The following FUT8 variants were observed in gnomAD, a reference collection of about 807,000 sequenced individuals.
FUT8 encodes the protein fucosyltransferase 8.
FUT8 carries 29 observed loss-of-function variants against 71.3 expected under a neutral mutation model. The ratio of observed to expected loss-of-function variants is 0.41; its 90% CI spans 0.30 to 0.55. The LOEUF is 0.55. FUT8 is among the 20% of genes least tolerant of loss of function. The pLI, the probability that FUT8 is intolerant of heterozygous loss-of-function variation, is 0.34. For missense variants in FUT8, 544 were observed against 702.1 expected (o/e 0.77, Z 2.55); for synonymous variants, 254 against 239.3 (o/e 1.06, Z -0.57).
At position 65,549,313 on chromosome 14, in the gene FUT8, A is replaced by G. The variant is rs147954650; in HGVS notation, c.-227-12024A>G. ...CTGAATAACAAAGTGTAGTTTTGTC[A>G]TTTTTTTTTTTTAGCATTTTAAAAA... On this transcript the variant is annotated intron_variant, in intron 2 of 10. Coordinates refer to ENST00000673929, the MANE Select transcript of FUT8 (RefSeq NM_001371533.1). 1.4e-4 allele frequency among the ~76,000 whole-genome samples: 21 copies of G among 145,588 alleles called. No individual in the cohort carries two copies. In the East Asian group the frequency reaches 4.2e-3, roughly 29 times the overall value.
chr14:65,521,874 T>G (rs1883102495), intron 2 of FUT8, among the ~76,000 whole-genome samples: 1 of 151,982 alleles, frequency 6.6e-6, no homozygotes, highest in African/African-American at 2.4e-5. Flanking sequence ...TCTTCTTTTT[T>G]TTTTTTTTTA....
chr14:65,696,898 AT>A (rs946735583), intron 7 of FUT8, among the ~76,000 whole-genome samples: 175 of 151,940 alleles, frequency 1.2e-3, no homozygotes, highest in African/African-American at 3.8e-3. Flanking sequence ...TTTAAAAAAA[AT>A]TTTTTTTCCT....
the FUT8 span, among the ~76,000 whole-genome samples, chr14:65,385,206 A>G: frequency 1.3e-5 from 2 of 152,036 alleles, no homozygotes; most frequent in Non-Finnish European, 1.5e-5. Context: ...GCCTTAGGTT[A>G]GATTCTTAAC....
At chr14:65,396,906 C>T in the FUT8 span, among the ~76,000 whole-genome samples, 4 of 152,266 alleles carry the variant, frequency 2.6e-5, no homozygotes, top group African/African-American at 2.4e-5. The surrounding 1 kb of genome is among the most constrained non-coding windows in gnomAD (Gnocchi z 5.5). Flanking sequence ...TGTTTATAGG[C>T]GTGATCATAG....
At chr14:65,425,998 T>A (rs2065380760) in intron 1 of FUT8, among the ~76,000 whole-genome samples, 1 of 151,784 alleles carries the variant, frequency 6.6e-6, no homozygotes, top group Non-Finnish European at 1.5e-5. Context: ...AAATCTACTT[T>A]CTTAGCACAT....
At chr14:65,439,932 A>C (rs2065616390) in intron 1 of FUT8, among the ~76,000 whole-genome samples, 1 of 109,464 alleles carries the variant, frequency 9.1e-6, no homozygotes, top group Non-Finnish European at 1.9e-5. Flanking sequence ...TGAATGGATA[A>C]AGAAAATGTG....
chr14:65,540,027 A>G (rs969445529), intron 2 of FUT8, among the ~76,000 whole-genome samples: 3 of 152,230 alleles, frequency 2.0e-5, no homozygotes, highest in African/African-American at 7.2e-5. Flanking sequence ...TAACCTTAGT[A>G]TACCTGTTGT....
upstream of FUT8, chr14:65,411,993 G>T: frequency 2.2e-6 from 1 of 456,492 alleles, no homozygotes; most frequent in Non-Finnish European, 4.4e-6. Flanking sequence ...AGTCCGAGCG[G>T]GTAGGACGCA....
intron 3 of FUT8, among the ~76,000 whole-genome samples, chr14:65,566,773 ATG>A (rs1465025660): frequency 6.6e-6 from 1 of 151,988 alleles, no homozygotes; most frequent in Non-Finnish European, 1.5e-5. Context: ...CATTGGTATC[ATG>A]TTAGAACACA....
intron 1 of FUT8, among the ~76,000 whole-genome samples, chr14:65,445,799 T>C (rs2065730760): frequency 6.6e-6 from 1 of 152,250 alleles, no homozygotes; most frequent in Non-Finnish European, 1.5e-5. Flanking sequence ...TTATTTTTTA[T>C]TTTTTAAAAA....
chr14:65,545,657 A>T (rs1053257398), intron 2 of FUT8, among the ~76,000 whole-genome samples: 1 of 151,792 alleles, frequency 6.6e-6, no homozygotes, highest in Non-Finnish European at 1.5e-5. Flanking sequence ...TTGTTAAAAA[A>T]GTAAATTGAT....
intron 3 of FUT8, among the ~76,000 whole-genome samples, chr14:65,568,862 C>G (rs1428428333): frequency 2.0e-5 from 3 of 151,490 alleles, no homozygotes; most frequent in African/African-American, 7.3e-5. Context: ...TTACTCCTTC[C>G]TGTTATTCAG....
At chr14:65,437,081 A>G (rs931020898) in intron 1 of FUT8, among the ~76,000 whole-genome samples, 2 of 152,220 alleles carry the variant, frequency 1.3e-5, no homozygotes, top group African/African-American at 4.8e-5. Flanking sequence ...ATTCTTTATC[A>G]GCAAAACAGG....
At chr14:65,591,820 T>A (rs1887703312) in intron 3 of FUT8, among the ~76,000 whole-genome samples, 1 of 151,578 alleles carries the variant, frequency 6.6e-6, no homozygotes, top group Admixed American at 6.6e-5. Flanking sequence ...AAATGTGCAC[T>A]ATTGAAGCAT....
intron 3 of FUT8, among the ~76,000 whole-genome samples, chr14:65,573,065 G>A (rs539674522): frequency 4.3e-4 from 66 of 152,204 alleles, no homozygotes; most frequent in Middle Eastern, 3.4e-3. Flanking sequence ...CTTGTAAAAG[G>A]CTGTCTTGTC....
rs376298224 is a variant in FUT8 at position 65,633,004 on chromosome 14, T to TCCC, written c.597+3406_597+3408dup. ...TTGCTCTCCCCTCTCCCCTCTCCCC[T>TCCC]CCCCCCCCCCGTCTCCCCAGGGTCT... On this transcript the variant is annotated intron_variant, in intron 6 of 10. Transcript: ENST00000673929. 2.4e-3 allele frequency among the ~76,000 whole-genome samples: 184 copies of TCCC among 78,010 alleles called. 8 individuals are homozygous for TCCC. The East Asian group carries it at 0.027, about 11-fold the overall frequency. 51.2% of individuals were successfully genotyped at this position (78,010 alleles called of 152,430 possible). A position where few individuals can be genotyped will look rare whatever the true frequency, so the allele number is the denominator to read the frequency against.
chr14:65,651,311 ACCC>A (rs1891397423), intron 6 of FUT8, among the ~76,000 whole-genome samples: 1 of 152,240 alleles, frequency 6.6e-6, no homozygotes, highest in Non-Finnish European at 1.5e-5. Flanking sequence ...GTGTTATACC[ACCC>A]AGGTTTCAGA....
intron 2 of FUT8, among the ~76,000 whole-genome samples, chr14:65,470,649 A>T (rs957000165): frequency 7.9e-5 from 12 of 152,110 alleles, no homozygotes; most frequent in Non-Finnish European, 1.3e-4. Flanking sequence ...CAGGCTCAGC[A>T]GTCGCCTGAT....
intron 1 of FUT8, among the ~76,000 whole-genome samples, chr14:65,427,071 C>G (rs551867895): frequency 2.6e-5 from 4 of 152,140 alleles, no homozygotes; most frequent in Admixed American, 6.5e-5. Context: ...ACCATGTTAG[C>G]CAGGATGATC....
Sources: gnomAD v4.1 joint callset for allele counts (sites outside exome capture counted in the v4.1 genomes callset) on GRCh38, gnomAD v4.1.1 for gene constraint, Gnocchi (gnomAD v3.1) non-coding constraint, MANE v1.5 for transcripts, NCBI Gene and HGNC (gene_info 2026-07-23, HGNC 2026-07-21) for gene names.